The following DAB1 variants were observed in gnomAD, a reference collection of about 807,000 sequenced individuals.
DAB1 encodes disabled homolog 1.
DAB1 carries 15 observed loss-of-function variants against 64.6 expected under a neutral mutation model. The ratio of observed to expected loss-of-function variants is 0.23; its 90% CI spans 0.16 to 0.36. The LOEUF is 0.36. Among genes scored for constraint, DAB1 ranks in the 10% least tolerant of loss-of-function variants. The probability of loss-of-function intolerance (pLI) is 1.00; values close to 1 mark genes in which losing one functional copy is unlikely to be tolerated. For missense variants in DAB1, 596 were observed against 706.7 expected (o/e 0.84, Z 1.78); for synonymous variants, 235 against 251.9 (o/e 0.93, Z 0.64).
intron 6 of DAB1, among the ~76,000 whole-genome samples, chr1:57,709,427 C>T (rs911780116): frequency 2.6e-5 from 4 of 152,102 alleles, no homozygotes; most frequent in African/African-American, 9.7e-5. Context: ...ATTTAAACCT[C>T]CCTCTTATCT....
At chr1:57,561,502 G>A (rs928894448) in intron 7 of DAB1, among the ~76,000 whole-genome samples, 2 of 152,198 alleles carry the variant, frequency 1.3e-5, no homozygotes, top group African/African-American at 4.8e-5. Context: ...TTGGGGAAGA[G>A]GTATACAGAT....
chr1:57,253,782 T>C (rs1386330085), intron 2 of DAB1, among the ~76,000 whole-genome samples: 1 of 152,208 alleles, frequency 6.6e-6, no homozygotes, highest in Non-Finnish European at 1.5e-5. Context: ...TTAGTCTCTG[T>C]GATGAAAAAT....
At chr1:57,951,614 C>T (rs1036246755) in intron 5 of DAB1, among the ~76,000 whole-genome samples, 1 of 152,022 alleles carries the variant, frequency 6.6e-6, no homozygotes, top group Non-Finnish European at 1.5e-5. Flanking sequence ...TTAGTTTCCT[C>T]CTCTGGCAAA....
rs191540471 is a variant in DAB1 at position 58,516,283 on chromosome 1, T to C, written n.108-10074A>G. 8.7e-4 allele frequency among the ~76,000 whole-genome samples: 133 copies of C among 152,296 alleles called. 1 individual carries two copies. The highest frequency in any genetic ancestry group is 7.1e-4 in the Non-Finnish European group (48 of 68,018). On this transcript the variant is annotated intron_variant and non_coding_transcript_variant, in intron 2 of 20. Transcript: ENST00000485760. Reference sequence around the variant, plus strand: ...TTTCTTTTCCAAACTTAAGAAACTGTTACGAAAAAATTAAAACTGATAGTT... The same window carrying C: ...TTTCTTTTCCAAACTTAAGAAACTGCTACGAAAAAATTAAAACTGATAGTT...
intron 1 of DAB1, among the ~76,000 whole-genome samples, chr1:57,364,528 A>G (rs559935926): frequency 2.3e-4 from 35 of 152,288 alleles, no homozygotes; most frequent in South Asian, 4.1e-4. Flanking sequence ...TTTCACTTGG[A>G]AAGATAAACT....
intron 4 of DAB1, among the ~76,000 whole-genome samples, chr1:57,107,244 G>A (rs1385697172): frequency 6.6e-6 from 1 of 151,890 alleles, no homozygotes; most frequent in East Asian, 1.9e-4. Flanking sequence ...GCATGTTGGT[G>A]GATGCCTGTA....
intron 1 of DAB1, among the ~76,000 whole-genome samples, chr1:57,855,583 G>C (rs1653715522): frequency 6.6e-6 from 1 of 152,176 alleles, no homozygotes; most frequent in Non-Finnish European, 1.5e-5. Context: ...ATGAAATGAA[G>C]GGTGGGCCAT....
chr1:57,204,191 G>A (rs1370865048), intron 2 of DAB1, among the ~76,000 whole-genome samples: 1 of 152,186 alleles, frequency 6.6e-6, no homozygotes, highest in African/African-American at 2.4e-5. Flanking sequence ...TGCCCGGCCT[G>A]GAGTAGTATT....
chr1:57,777,452 C>T (rs1474552735), intron 6 of DAB1, among the ~76,000 whole-genome samples: 1 of 151,772 alleles, frequency 6.6e-6, no homozygotes, highest in African/African-American at 2.4e-5. Context: ...GATATTGCCC[C>T]ATGGTCTCTG....
intron 3 of DAB1, among the ~76,000 whole-genome samples, chr1:58,447,615 C>T (rs901634329): frequency 2.0e-5 from 3 of 152,026 alleles, no homozygotes; most frequent in Non-Finnish European, 2.9e-5. Flanking sequence ...AACAAACGCT[C>T]GTCAGTGCTA....
chr1:58,323,153 T>G (rs1044401141), intron 4 of DAB1, among the ~76,000 whole-genome samples: 5 of 151,976 alleles, frequency 3.3e-5, no homozygotes, highest in African/African-American at 1.2e-4. Flanking sequence ...GACGACTTAA[T>G]GGGTGCAGCA....
chr1:57,101,871 C>G (rs528307620), intron 4 of DAB1, among the ~76,000 whole-genome samples: 1 of 152,286 alleles, frequency 6.6e-6, no homozygotes, highest in South Asian at 2.1e-4. Context: ...GGCATTATTA[C>G]TAGCAATTTA....
At position 58,300,604 on chromosome 1, in the gene DAB1, GA is replaced by G. The variant is rs1217896738; in HGVS notation, n.309+42747del. Among the ~76,000 whole-genome samples, 14 of 36,392 alleles carry G rather than the reference GA, an allele frequency of 3.8e-4. 1 individual carries two copies. Among genetic ancestry groups the G allele is most frequent in the Admixed American group, 5.8e-4 (2 of 3,446 alleles). 23.9% of individuals were successfully genotyped at this position (36,392 alleles called of 152,430 possible). ...AGAAAGAAAGAAAGAAAGAAAGAAA[GA>G]AAGAAAGAGAGAGAGAGAGAGAGAG... On this transcript the variant is annotated intron_variant and non_coding_transcript_variant, in intron 4 of 20. Coordinates refer to the DAB1 transcript ENST00000485760.
intron 5 of DAB1, among the ~76,000 whole-genome samples, chr1:57,978,808 A>G (rs191878119): frequency 5.5e-4 from 84 of 152,376 alleles, no homozygotes; most frequent in Non-Finnish European, 9.3e-4. Context: ...CAGCAGACAT[A>G]TGAAAAATGC....
chr1:58,049,831 C>CAA (rs1474648551), intron 5 of DAB1, among the ~76,000 whole-genome samples: 2 of 151,924 alleles, frequency 1.3e-5, no homozygotes, highest in African/African-American at 4.8e-5. Context: ...TGCACACACA[C>CAA]ACACACACAG....
chr1:57,718,977 T>G (rs1570765525), intron 6 of DAB1, among the ~76,000 whole-genome samples: 1 of 150,068 alleles, frequency 6.7e-6, no homozygotes, highest in African/African-American at 2.4e-5. Context: ...AAAAAAAAGA[T>G]GACACCTGTT....
intron 7 of DAB1, among the ~76,000 whole-genome samples, chr1:57,576,404 G>C (rs1398995069): frequency 6.6e-6 from 1 of 152,182 alleles, no homozygotes; most frequent in Non-Finnish European, 1.5e-5. Context: ...ACTGGAGTAG[G>C]CTGGGCCATT....
intron 1 of DAB1, among the ~76,000 whole-genome samples, chr1:57,338,728 T>C (rs185294600): frequency 1.3e-3 from 198 of 152,310 alleles, no homozygotes; most frequent in Middle Eastern, 3.4e-3. Context: ...ATGGAAAAAC[T>C]ATAGTCTTTG....
intron 7 of DAB1, among the ~76,000 whole-genome samples, chr1:57,636,109 A>AAAC (rs1486434470): frequency 0.02 from 2,992 of 148,536 alleles, 178 homozygotes; most frequent in African/African-American, 0.073. Context: ...AAAAAAAAAA[A>AAAC]AAAACAAAAA....
Sources: allele counts gnomAD v4.1 joint callset (sites outside exome capture counted in the v4.1 genomes callset), GRCh38; gene constraint gnomAD v4.1.1; transcripts MANE v1.5; gene names NCBI Gene and HGNC (gene_info 2026-07-23, HGNC 2026-07-21).